ASAP1: variants seen among roughly 807,000 people sequenced by gnomAD.
ASAP1 encodes arf-GAP with SH3 domain, ANK repeat and PH domain-containing protein 1.
Under a neutral mutation model 145.2 loss-of-function variants are expected in ASAP1, and 43 were observed. That is an observed-to-expected ratio of 0.30 (90% confidence interval 0.23 to 0.38). The LOEUF (loss-of-function observed/expected upper bound fraction) is 0.38, where lower values mean the gene tolerates loss of function less well. Among genes scored for constraint, ASAP1 ranks in the 10% least tolerant of loss-of-function variants. The probability of loss-of-function intolerance (pLI) is 1.00; values close to 1 mark genes in which losing one functional copy is unlikely to be tolerated. For synonymous variants in ASAP1, 546 were observed against 515.5 expected (o/e 1.06, Z -0.80); for missense variants, 1,018 against 1,355.3 (o/e 0.75, Z 3.91).
At chr8:130,266,562 A>C (rs79909153) in intron 3 of ASAP1, among the ~76,000 whole-genome samples, 3,147 of 152,272 alleles carry the variant, frequency 0.021, 31 homozygotes, top group Middle Eastern at 0.041. Context: ...AGGCCATATA[A>C]ATTTCCCACA....
At chr8:130,353,244 T>C (rs1386710587) in intron 3 of ASAP1, among the ~76,000 whole-genome samples, 2 of 152,168 alleles carry the variant, frequency 1.3e-5, no homozygotes, top group African/African-American at 2.4e-5. Flanking sequence ...GGAAAATGAC[T>C]TGTATATAGC....
intron 3 of ASAP1, among the ~76,000 whole-genome samples, chr8:130,331,811 CAT>C (rs1343434920): frequency 7.9e-5 from 12 of 152,138 alleles, no homozygotes; most frequent in South Asian, 2.1e-4. Context: ...TACACACACA[CAT>C]GCAAACACAC....
intron 3 of ASAP1, among the ~76,000 whole-genome samples, chr8:130,304,732 T>C (rs1822888812): frequency 6.6e-6 from 1 of 152,214 alleles, no homozygotes; most frequent in Non-Finnish European, 1.5e-5. Flanking sequence ...GCCTCTTAAC[T>C]GGGCACCCTC....
chr8:130,192,675 T>A (rs1002701855), intron 5 of ASAP1, among the ~76,000 whole-genome samples: 1 of 152,166 alleles, frequency 6.6e-6, no homozygotes, highest in African/African-American at 2.4e-5. Flanking sequence ...TTATTTTTCT[T>A]CAAAGCACTT....
intron 3 of ASAP1, chr8:130,340,954 GTTTTTGTT>G (rs1024468737): frequency 2.6e-5 from 11 of 417,074 alleles, no homozygotes; most frequent in Non-Finnish European, 5.2e-5. Flanking sequence ...GTTTTTTTTT[GTTTTTGTT>G]TTTGTTTTTG....
intron 3 of ASAP1, among the ~76,000 whole-genome samples, chr8:130,347,190 T>A (rs1417462423): frequency 6.6e-6 from 1 of 152,204 alleles, no homozygotes; most frequent in Admixed American, 6.5e-5. Context: ...TGCCATCACT[T>A]TGGATTTAGT....
intron 9 of ASAP1, among the ~76,000 whole-genome samples, chr8:130,169,308 G>T (rs1320676625): frequency 6.6e-6 from 1 of 152,168 alleles, no homozygotes; most frequent in Non-Finnish European, 1.5e-5. Context: ...TTTGATAGAA[G>T]ATATCACAAG....
intron 4 of ASAP1, among the ~76,000 whole-genome samples, chr8:130,223,756 A>T (rs1372058673): frequency 6.6e-6 from 1 of 152,028 alleles, no homozygotes; most frequent in Non-Finnish European, 1.5e-5. Flanking sequence ...TCACTTCCTT[A>T]ATTTCCCATA....
intron 3 of ASAP1, among the ~76,000 whole-genome samples, chr8:130,257,897 A>G (rs1264185696): frequency 3.3e-5 from 5 of 151,552 alleles, no homozygotes; most frequent in African/African-American, 1.2e-4. Context: ...TCTGTTAAAG[A>G]AGAGATTGCA....
chr8:130,098,815 T>C (rs2097523616), intron 24 of ASAP1, among the ~76,000 whole-genome samples: 1 of 152,172 alleles, frequency 6.6e-6, no homozygotes, highest in Non-Finnish European at 1.5e-5. Context: ...CTTGTAGATT[T>C]TGAAAATATA....
chr8:130,401,894 A>T lies in ASAP1; in HGVS notation c.50T>A (p.Leu17Gln). ...RLSSFSSRDS[L>Q]WNRMPDQISV... ...GCTAGAGATCACTCACCGATTCCAT[A>T]GTGAATCTCTCGACGAAAAACTGGA... is the stretch of plus-strand genomic sequence containing the variant. The change falls in exon 2 of 30, where the codon CTA (leucine) becomes CAA (glutamine). Residue 17 changes from leucine (L) to glutamine (Q), a missense_variant. Leu to Gln is a moderately radical substitution (Grantham distance 113, BLOSUM62 -2). Coordinates refer to ENST00000518721, the MANE Select transcript of ASAP1 (RefSeq NM_018482.4). 6.2e-7 allele frequency: 1 copy of T among 1,613,762 alleles called. No individual in the cohort carries two copies. Among genetic ancestry groups the T allele is most frequent in the Non-Finnish European group, 8.5e-7 (1 of 1,179,900 alleles).
intron 25 of ASAP1, among the ~76,000 whole-genome samples, chr8:130,085,552 T>C (rs1007416254): frequency 1.3e-5 from 2 of 151,760 alleles, no homozygotes; most frequent in Non-Finnish European, 2.9e-5. Flanking sequence ...CTGGGCAACA[T>C]AGTAAGACCT....
intron 1 of ASAP1, among the ~76,000 whole-genome samples, chr8:130,428,493 C>CCACCACCACCACCATCAT: frequency 8.5e-6 from 1 of 117,346 alleles, no homozygotes; most frequent in Non-Finnish European, 1.8e-5. Context: ...ATCTTCATCA[C>CCACCACCACCACCATCAT]CATCACCATC....
At chr8:130,413,885 GATTCATTCATTCATTC>G (rs58479009) in intron 1 of ASAP1, among the ~76,000 whole-genome samples, 6 of 151,342 alleles carry the variant, frequency 4.0e-5, no homozygotes, top group Non-Finnish European at 8.8e-5. Context: ...TATTTTGCCA[GATTCATTCATTCATTC>G]ATTCATTCAT....
chr8:130,078,821 G>A (rs771554747), intron 26 of ASAP1, among the ~76,000 whole-genome samples: 3 of 151,946 alleles, frequency 2.0e-5, no homozygotes, highest in Non-Finnish European at 4.4e-5. Flanking sequence ...TCTGGGCCTC[G>A]CTCTCCTCAC....
chr8:130,382,285 C>CAAAA (rs35060121), intron 2 of ASAP1, among the ~76,000 whole-genome samples: 13 of 73,498 alleles, frequency 1.8e-4, no homozygotes, highest in Non-Finnish European at 2.7e-4. Flanking sequence ...GATTCTGTCT[C>CAAAA]AAAAAAAAAA....
At chr8:130,136,858 A>G in intron 14 of ASAP1, 93 bp downstream of exon 14, 1 of 1,038,434 alleles carries the variant, frequency 9.6e-7, no homozygotes, top group Non-Finnish European at 1.5e-6. Context: ...AACTGTGAGG[A>G]GCCCTGCTTG....
intron 18 of ASAP1, among the ~76,000 whole-genome samples, chr8:130,120,799 A>G (rs903264930): frequency 2.0e-5 from 3 of 152,194 alleles, no homozygotes; most frequent in Non-Finnish European, 4.4e-5. Context: ...ACTAGGCACA[A>G]TGCCTTCAAC....
At position 130,111,952 on chromosome 8, in the gene ASAP1, C is replaced by T. The variant is rs1276130479; in HGVS notation, c.2401+142G>A. 5 of 773,116 alleles carry T rather than the reference C, an allele frequency of 6.5e-6. No homozygotes were observed. The Admixed American group carries it at 7.6e-5, about 12-fold the overall frequency. The allele number at this position is 773,116 out of a possible 1,614,324, so 47.9% of individuals were successfully genotyped here. ...CTGGCAAATGGCATGGTCCCTATTT[C>T]AAGCTGCTCCTGACAACACGATCCG... On this transcript the variant is annotated intron_variant, in intron 24 of 29. Coordinates refer to ENST00000518721, the MANE Select transcript of ASAP1 (RefSeq NM_018482.4).
Sources: allele counts gnomAD v4.1 joint callset (sites outside exome capture counted in the v4.1 genomes callset), GRCh38; gene constraint gnomAD v4.1.1; transcripts MANE v1.5; gene names NCBI Gene and HGNC (gene_info 2026-07-23, HGNC 2026-07-21).